The following RELN variants were observed in gnomAD, a reference collection of about 807,000 sequenced individuals.
The protein encoded by RELN is reelin.
RELN carries 108 observed loss-of-function variants against 427.6 expected under a neutral mutation model. That is an observed-to-expected ratio of 0.25 (90% CI 0.22 to 0.30). RELN has a LOEUF of 0.30. Ranked by LOEUF, RELN falls within the 10% of genes least tolerant of loss-of-function variation. The pLI, the probability that RELN is intolerant of heterozygous loss-of-function variation, is 1.00. For synonymous variants in RELN, 1,524 were observed against 1,513.4 expected (o/e 1.01, Z -0.16); for missense variants, 3,715 against 4,302.8 (o/e 0.86, Z 3.82).
At chr7:103,598,106 T>C (rs1038275004) in intron 24 of RELN, among the ~76,000 whole-genome samples, 3 of 152,182 alleles carry the variant, frequency 2.0e-5, no homozygotes, top group Admixed American at 1.3e-4. Flanking sequence ...TTTCGGTTAT[T>C]AGAAGTCACA....
intron 2 of RELN, among the ~76,000 whole-genome samples, chr7:103,851,880 C>G (rs1052166521): frequency 1.3e-5 from 2 of 152,154 alleles, no homozygotes; most frequent in Admixed American, 6.6e-5. Flanking sequence ...CTAGTTGAAA[C>G]ACGGAACAGA....
chr7:103,594,568 G>A, intron 25 of RELN, 76 bp from the exon 26 acceptor site: 1 of 1,457,170 alleles, frequency 6.9e-7, no homozygotes, highest in Non-Finnish European at 9.6e-7. Context: ...AAAACAACAA[G>A]GGTAACAACA....
intron 18 of RELN, among the ~76,000 whole-genome samples, chr7:103,635,905 G>C (rs972386461): frequency 3.9e-5 from 6 of 152,154 alleles, no homozygotes; most frequent in African/African-American, 1.2e-4. Context: ...AAGGGAAGTT[G>C]TAGAGTAAAT....
rs779007436 is a variant in RELN at position 103,651,673 on chromosome 7, T to C, written c.1880A>G (p.Glu627Gly). Reference protein sequence around the residue: ...HLPHSTVYSSENYSGWNRITI... With the variant: ...HLPHSTVYSSGNYSGWNRITI... Reference sequence around the variant, plus strand: ...AGAATGTACTCACCCACTGTAGTTTTCAGAGGAGTAGACAGTGCTGTGGGG... The same window carrying C: ...AGAATGTACTCACCCACTGTAGTTTCCAGAGGAGTAGACAGTGCTGTGGGG... Residue 627 changes from glutamate (E) to glycine (G), a missense_variant, in exon 15 of 65, where the codon GAA becomes GGA. Transcript: ENST00000428762. The C allele has an allele frequency of 2.5e-6, 4 of 1,611,784 alleles. No individual in the cohort carries two copies. The Admixed American group carries it at 6.7e-5, about 27-fold the overall frequency.
intron 8 of RELN, among the ~76,000 whole-genome samples, chr7:103,707,970 T>C (rs888947411): frequency 6.6e-6 from 1 of 152,228 alleles, no homozygotes; most frequent in Non-Finnish European, 1.5e-5. Flanking sequence ...ATGACAGCTA[T>C]TTCTATACAG....
At chr7:103,507,053 A>G (rs1319383569) in intron 51 of RELN, among the ~76,000 whole-genome samples, 1 of 152,236 alleles carries the variant, frequency 6.6e-6, no homozygotes, top group African/African-American at 2.4e-5. Flanking sequence ...AGAGACCTAC[A>G]AAGAGACTTA....
chr7:103,736,941 GA>G (rs1416683346), intron 6 of RELN, among the ~76,000 whole-genome samples: 2 of 152,078 alleles, frequency 1.3e-5, no homozygotes, highest in Non-Finnish European at 2.9e-5. Context: ...AGCTAGAGAG[GA>G]AACTCAGAGA....
At chr7:103,944,376 A>C (rs1183250289) in intron 1 of RELN, among the ~76,000 whole-genome samples, 1 of 152,150 alleles carries the variant, frequency 6.6e-6, no homozygotes, top group Non-Finnish European at 1.5e-5. Context: ...TTCTCCTTGG[A>C]AGACATACTG....
chr7:103,531,508 C>A (rs1223178121), intron 46 of RELN, among the ~76,000 whole-genome samples: 6 of 152,092 alleles, frequency 3.9e-5, no homozygotes, highest in Non-Finnish European at 8.8e-5. Flanking sequence ...TTAGGAGCAC[C>A]AGCATCCGTT....
chr7:103,866,559 A>C (rs2116510865), intron 2 of RELN, among the ~76,000 whole-genome samples: 1 of 152,242 alleles, frequency 6.6e-6, no homozygotes, highest in East Asian at 1.9e-4. Context: ...AATCAAAATA[A>C]ATAACTAAAT....
intron 2 of RELN, among the ~76,000 whole-genome samples, chr7:103,885,534 A>G (rs937080405): frequency 3.3e-5 from 5 of 152,160 alleles, no homozygotes; most frequent in African/African-American, 9.7e-5. Flanking sequence ...TTGGAGTGGA[A>G]CAATGAGAAC....
chr7:103,565,402 G>A lies in RELN; in HGVS notation c.5086C>T (p.Leu1696Phe), dbSNP rs558229472. The change falls in exon 34 of 65, where the codon CTT becomes TTT. Residue 1696 changes from leucine to phenylalanine, a missense_variant. This residue lies in a region of RELN where 2,208 missense variants were observed against 2,361.7 expected (regional missense o/e 0.93). Transcript: ENST00000428762. ...YSLNNGKDWH[L>F]VTEECVPPTI... ...GGAGGAACACACTCTTCGGTGACAA[G>A]ATGCCAGTCCTTGCCATTGTTCAGA... 1.2e-6 allele frequency: 2 copies of A among 1,614,110 alleles called. No individual in the cohort carries two copies. The highest frequency in any genetic ancestry group is 2.2e-5 in the South Asian group (2 of 91,076).
At position 103,542,827 on chromosome 7, in the gene RELN, C is replaced by T. The variant is rs1309424440; in HGVS notation, c.6575G>A (p.Arg2192Gln). The change falls in exon 43 of 65, where the codon CGA (arginine) becomes CAA (glutamine). Residue 2192 changes from arginine to glutamine, a missense_variant. Arg to Gln is a conservative substitution (Grantham distance 43). Around this residue, in one of 4 missense-constraint regions of RELN, gnomAD observed 1,310 missense variants for 1,643.0 expected, o/e 0.80. Coordinates refer to ENST00000428762, the MANE Select transcript of RELN (RefSeq NM_005045.4). ...TCCACTAGAAAGGATTCCACACTTT[C>T]GAGATGGTTTCCCACCACTCATTAA... The part of the protein sequence containing the change: ...FLLMSGGKPS[R>Q]KCGILSSGNN... 2.5e-6 allele frequency: 4 copies of T among 1,613,904 alleles called. No individual in the cohort carries two copies. Among genetic ancestry groups the T allele is most frequent in the Middle Eastern group, 1.6e-4 (1 of 6,084 alleles).
intron 20 of RELN, among the ~76,000 whole-genome samples, chr7:103,616,132 T>C (rs918972244): frequency 2.0e-5 from 3 of 152,202 alleles, no homozygotes; most frequent in Non-Finnish European, 2.9e-5. Context: ...TCATGTGCCA[T>C]AAGAGAAGCT....
intron 1 of RELN, among the ~76,000 whole-genome samples, chr7:103,941,095 T>C (rs1245312517): frequency 6.6e-6 from 1 of 152,116 alleles, no homozygotes; most frequent in Non-Finnish European, 1.5e-5. Flanking sequence ...TCCTGCCCCC[T>C]CACCATCAGG....
chr7:103,747,230 A>C (rs1028004400), intron 6 of RELN, among the ~76,000 whole-genome samples: 5 of 139,850 alleles, frequency 3.6e-5, no homozygotes, highest in African/African-American at 1.4e-4. Context: ...ACATGGCCAC[A>C]GGAAGGGGAA....
intron 53 of RELN, among the ~76,000 whole-genome samples, chr7:103,498,682 G>A (rs556119637): frequency 6.6e-6 from 1 of 151,940 alleles, no homozygotes; most frequent in Non-Finnish European, 1.5e-5. Context: ...CATAGAGATG[G>A]GGTTTCACCA....
At chr7:103,550,614 T>C (rs1168366669) in intron 41 of RELN, among the ~76,000 whole-genome samples, 1 of 129,366 alleles carries the variant, frequency 7.7e-6, no homozygotes, top group African/African-American at 2.9e-5. Flanking sequence ...ACGTGCTAAC[T>C]TTTTTTTTTT....
chr7:103,486,937 C>T (rs528537945), intron 60 of RELN, among the ~76,000 whole-genome samples: 7 of 152,298 alleles, frequency 4.6e-5, no homozygotes, highest in South Asian at 4.1e-4. Flanking sequence ...AATCATTCTA[C>T]GCTAAAGACA....
Sources: allele counts gnomAD v4.1 joint callset (sites outside exome capture counted in the v4.1 genomes callset), GRCh38; gene constraint gnomAD v4.1.1; regional missense constraint gnomAD v4.1.1; transcripts MANE v1.5; gene names NCBI Gene and HGNC (gene_info 2026-07-23, HGNC 2026-07-21).